Variants in NSA2 observed in about 807,000 individuals in gnomAD.
The protein encoded by NSA2 is NSA2 ribosome biogenesis factor.
NSA2 carries 18 observed loss-of-function variants against 34.8 expected under a neutral mutation model. The ratio of observed to expected loss-of-function variants is 0.52; its 90% CI spans 0.36 to 0.77. The LOEUF is 0.77. Ranked by LOEUF, NSA2 falls within the 30% of genes least tolerant of loss-of-function variation. The pLI, the probability that NSA2 is intolerant of heterozygous loss-of-function variation, is 0.00. For synonymous variants in NSA2, 79 were observed against 100.2 expected (o/e 0.79, Z 1.26); for missense variants, 188 against 314.7 (o/e 0.60, Z 3.05).
intron 5 of NSA2, among the ~76,000 whole-genome samples, chr5:74,775,551 A>G (rs1745082339): frequency 6.6e-6 from 1 of 152,158 alleles, no homozygotes; most frequent in South Asian, 2.1e-4. Flanking sequence ...TGGAGCTTGC[A>G]GTGAGCTGAG....
Position 74,769,378 on chromosome 5 carries a change from AT to A in NSA2, c.342+16del. 1 of 1,578,752 alleles carries A rather than the reference AT, an allele frequency of 6.3e-7. No individual in the cohort carries two copies. The highest frequency in any genetic ancestry group is 1.2e-5 in the South Asian group (1 of 84,644). On this transcript the variant is annotated intron_variant, in intron 3 of 5. Transcript: ENST00000610426. ...AAAGAGAAGGCGGTAAGCAATAACA[AT>A]TGAAGTCTTTGTTTTGTTTAGGAGA...
chr5:74,770,724 TG>T lies in NSA2; in HGVS notation c.438del (p.Trp146Ter). 6.2e-7 allele frequency: 1 copy of T among 1,613,398 alleles called. No individual in the cohort carries two copies. The highest frequency in any genetic ancestry group is 8.5e-7 in the Non-Finnish European group (1 of 1,179,586). On this transcript the variant is annotated frameshift_variant, in exon 4 of 6. Coordinates refer to ENST00000610426, the MANE Select transcript of NSA2 (RefSeq NM_014886.6). LOFTEE classifies it high-confidence loss of function. ...IRTGKRKKKAWKRMVTKVCFV... is the reference protein window; with the variant it reads ...IRTGKRKKKAXKRMVTKVCFV... ...AACAGGAAAGAGAAAGAAGAAGGCA[TG>T]GAAGAGAATGGTTACTAAAGTGTGC...
intron 4 of NSA2, among the ~76,000 whole-genome samples, chr5:74,772,704 C>T (rs763063900): frequency 2.0e-5 from 3 of 152,160 alleles, no homozygotes; most frequent in Non-Finnish European, 2.9e-5. Context: ...AACAGTTCTA[C>T]AGGGAGAGAA....
At chr5:74,774,796 TAAG>T (rs2112424477) in intron 5 of NSA2, among the ~76,000 whole-genome samples, 2 of 152,340 alleles carry the variant, frequency 1.3e-5, no homozygotes, top group South Asian at 4.1e-4. Context: ...ATGTCTTCCG[TAAG>T]AAAAAATTTC....
chr5:74,767,371 G>T lies in NSA2; in HGVS notation c.3+8G>T, dbSNP rs1203933558. ...TCTGCGGCCGTCACCATGGTAAGGAGGATGCCTCGGACGCTCGCGACACAC... is the reference window on the plus strand; with the variant it reads ...TCTGCGGCCGTCACCATGGTAAGGATGATGCCTCGGACGCTCGCGACACAC... On this transcript the variant is annotated splice_region_variant and intron_variant, in intron 1 of 5. Transcript: ENST00000610426. 3 of 1,612,884 alleles carry T rather than the reference G, an allele frequency of 1.9e-6. No homozygotes were observed. The highest frequency in any genetic ancestry group is 2.5e-6 in the Non-Finnish European group (3 of 1,179,686).
chr5:74,767,342 C>G lies in NSA2; in HGVS notation c.-19C>G. The G allele has an allele frequency of 6.2e-7, 1 of 1,613,156 alleles. No homozygotes were observed. Among genetic ancestry groups the G allele is most frequent in the South Asian group, 1.1e-5 (1 of 91,060 alleles). ...TTCGCACTCCAGCGGCTGCTCCTGG[C>G]GGCTCTGCGGCCGTCACCATGGTAA... On this transcript the variant is annotated 5_prime_UTR_variant, in exon 1 of 6. Coordinates refer to ENST00000610426, the MANE Select transcript of NSA2 (RefSeq NM_014886.6).
At position 74,779,106 on chromosome 5, in the gene NSA2, A is replaced by C. The variant is rs1745278248; in HGVS notation, c.*2435A>C. On this transcript the variant is annotated 3_prime_UTR_variant, in exon 6 of 6. Transcript: ENST00000610426. ...GTAACAGAAGTGTTCTTGTGTGCTG[A>C]ACAAAAAACTTCTAAATTGTTTACA... The C allele has an allele frequency of 6.6e-6, 1 of 152,128 alleles. No homozygotes were observed. The highest frequency in any genetic ancestry group is 1.5e-5 in the Non-Finnish European group (1 of 67,968). The allele number at this position is 152,128 out of a possible 1,614,324, so 9.4% of individuals were successfully genotyped here. A position where few individuals can be genotyped will look rare whatever the true frequency, so the allele number is the denominator to read the frequency against.
intron 1 of NSA2, among the ~76,000 whole-genome samples, chr5:74,768,084 A>G (rs73762949): frequency 6.6e-6 from 1 of 152,356 alleles, no homozygotes; most frequent in African/African-American, 2.4e-5. Flanking sequence ...AAAGCATCCC[A>G]TACATTGCTG....
chr5:74,767,259 G>T lies in NSA2; in HGVS notation c.-102G>T. 1.4e-6 allele frequency: 2 copies of T among 1,450,016 alleles called. No homozygotes were observed. The highest frequency in any genetic ancestry group is 1.9e-6 in the Non-Finnish European group (2 of 1,036,058). The allele number at this position is 1,450,016 out of a possible 1,614,324, so 89.8% of individuals were successfully genotyped here. On this transcript the variant is annotated 5_prime_UTR_variant, in exon 1 of 6. Coordinates refer to ENST00000610426, the MANE Select transcript of NSA2 (RefSeq NM_014886.6). Reference sequence around the variant, plus strand: ...CCGTTTTAAAGGGTGACTCTTTCCTGTCCCGGCCTGCGTGGTGTGGGCTTG... The same window carrying T: ...CCGTTTTAAAGGGTGACTCTTTCCTTTCCCGGCCTGCGTGGTGTGGGCTTG...
At chr5:74,770,530 A>C (rs891642437) in intron 3 of NSA2, 101 bp from the exon 4 acceptor site, 98 of 861,504 alleles carry the variant, frequency 1.1e-4, no homozygotes, top group Non-Finnish European at 1.3e-4. Context: ...ATGGTCAAGC[A>C]AAAAAAATAG....
At chr5:74,776,404 T>G (rs980224560) in intron 5 of NSA2, among the ~76,000 whole-genome samples, 200 bp from the exon 6 acceptor site, 2 of 152,042 alleles carry the variant, frequency 1.3e-5, no homozygotes, top group Non-Finnish European at 2.9e-5. Flanking sequence ...CCCGGAAGAC[T>G]GAGTGAGGAG....
chr5:74,772,894 T>G (rs1356978995), intron 4 of NSA2, among the ~76,000 whole-genome samples: 1 of 152,174 alleles, frequency 6.6e-6, no homozygotes, highest in African/African-American at 2.4e-5. Context: ...CTGCAAAATG[T>G]TGTGACGTTT....
intron 4 of NSA2, among the ~76,000 whole-genome samples, chr5:74,772,448 A>G (rs1022543429): frequency 2.0e-5 from 3 of 152,174 alleles, no homozygotes; most frequent in Admixed American, 6.5e-5. Context: ...AGATTAAAAT[A>G]TTGGCAAATA....
intron 4 of NSA2, among the ~76,000 whole-genome samples, chr5:74,771,299 T>C (rs2112416272): frequency 6.6e-6 from 1 of 152,122 alleles, no homozygotes; most frequent in South Asian, 2.1e-4. Context: ...AAAAAATCTT[T>C]TCAGCTTCGT....
Position 74,774,175 on chromosome 5 carries a change from A to C in NSA2, c.715+115A>C, listed in dbSNP as rs1044930809. The C allele has an allele frequency of 3.6e-5, 22 of 610,528 alleles. No individual in the cohort carries two copies. In the East Asian group the frequency reaches 5.9e-4, roughly 16 times the overall value. 37.8% of individuals were successfully genotyped at this position (610,528 alleles called of 1,614,324 possible). A position where few individuals can be genotyped will look rare whatever the true frequency, so the allele number is the denominator to read the frequency against. The stretch of plus-strand genomic sequence containing the variant: ...AATTTTTTTAATGCAGTAGAGCTAA[A>C]ACACTGTAAATCAGATGTAAATATT... On this transcript the variant is annotated intron_variant, in intron 5 of 5. Coordinates refer to ENST00000610426, the MANE Select transcript of NSA2 (RefSeq NM_014886.6).
In NSA2 at chr5:74,777,080, TAC is replaced by T. The variant is rs1350866224; in HGVS notation, c.*411_*412del. ...TCCTAAAAAAGGTAGGTAGCATTAA[TAC>T]AGATGTTAAGTTTATAGTGTTTGTT... On this transcript the variant is annotated 3_prime_UTR_variant, in exon 6 of 6. Coordinates refer to ENST00000610426, the MANE Select transcript of NSA2 (RefSeq NM_014886.6). 3 of 155,912 alleles carry T rather than the reference TAC, an allele frequency of 1.9e-5. No individual in the cohort carries two copies. In the Admixed American group the frequency reaches 1.9e-4, roughly 10 times the overall value. 9.7% of individuals were successfully genotyped at this position (155,912 alleles called of 1,614,324 possible).
Position 74,779,332 on chromosome 5 carries a change from A to G in NSA2, c.*2661A>G, listed in dbSNP as rs1359678156. On this transcript the variant is annotated 3_prime_UTR_variant, in exon 6 of 6. Transcript: ENST00000610426. ...TAGTGCTCACTTCGGCAGCACATATACTAAAATTAGAACAATACAGGGAAA... is the reference window on the plus strand; with the variant it reads ...TAGTGCTCACTTCGGCAGCACATATGCTAAAATTAGAACAATACAGGGAAA... 6.6e-6 allele frequency: 1 copy of G among 152,178 alleles called. No individual in the cohort carries two copies. The highest frequency in any genetic ancestry group is 1.5e-5 in the Non-Finnish European group (1 of 68,012). 9.4% of individuals were successfully genotyped at this position (152,178 alleles called of 1,614,324 possible). A position where few individuals can be genotyped will look rare whatever the true frequency, so the allele number is the denominator to read the frequency against.
intron 4 of NSA2, 26 bp downstream of exon 4, chr5:74,770,836 C>A: frequency 6.8e-7 from 1 of 1,468,630 alleles, no homozygotes; most frequent in Non-Finnish European, 9.1e-7. Context: ...AGTGTAATGA[C>A]CGAAATGTTA....
chr5:74,770,566 A>T, intron 3 of NSA2, 65 bp from the exon 4 acceptor site: 1 of 1,284,542 alleles, frequency 7.8e-7, no homozygotes, highest in Non-Finnish European at 1.1e-6. Context: ...CAACTAAAAC[A>T]TATTTGACTT....
Sources: allele counts gnomAD v4.1 joint callset (sites outside exome capture counted in the v4.1 genomes callset), GRCh38; gene constraint gnomAD v4.1.1; transcripts MANE v1.5; gene names NCBI Gene and HGNC (gene_info 2026-07-23, HGNC 2026-07-21).